Variants in ADGRA2 observed in about 807,000 individuals in gnomAD.
The protein encoded by ADGRA2 is adhesion G protein-coupled receptor A2.
Under a neutral mutation model 98.7 loss-of-function variants are expected in ADGRA2, and 61 were observed. The ratio of observed to expected loss-of-function variants is 0.62; its 90% confidence interval spans 0.50 to 0.76. The LOEUF is 0.76. Ranked by LOEUF, ADGRA2 falls within the 30% of genes least tolerant of loss-of-function variation. The pLI is 0.00. For synonymous variants in ADGRA2, 858 were observed against 831.5 expected (o/e 1.03, Z -0.55); for missense variants, 1,712 against 1,860.0 (o/e 0.92, Z 1.46).
At position 37,829,999 on chromosome 8, in the gene ADGRA2, G is replaced by T; in HGVS notation, c.703G>T (p.Ala235Ser). 1 of 1,575,464 alleles carries T rather than the reference G, an allele frequency of 6.3e-7. No individual in the cohort carries two copies. ...TCAGGCCCTGGGCAGCCTCCAGGAG[G>T]CCCAGCTCTGCTGCGGTGAGCAAGT... The part of the protein sequence containing the change: ...HAQALGSLQE[A>S]QLCCEGALEL... Residue 235 changes from alanine (A) to serine (S), a missense_variant, in exon 6 of 19, where the codon GCC (alanine) becomes TCC (serine). By Grantham distance (99) the Ala-to-Ser change is moderately conservative. Coordinates refer to ENST00000412232, the MANE Select transcript of ADGRA2 (RefSeq NM_032777.10).
At position 37,797,361 on chromosome 8, in the gene ADGRA2, T is replaced by G; in HGVS notation, c.93T>G (p.Ala31=). ...PWLLLLLAPE[A]RGAPGCPLSI... is the part of the protein sequence containing the mutation. ...TCCTGCTGCTCCTGGCGCCCGAGGC[T>G]CGGGGCGCGCCCGGCTGCCCGCTAT... is the stretch of plus-strand genomic sequence containing the variant. Residue 31 remains alanine (A), a synonymous_variant, in exon 1 of 19, where the codon GCT becomes GCG. Transcript: ENST00000412232. The surrounding 1 kb of genome is among the most constrained non-coding windows in gnomAD (Gnocchi z 5.3). 7.1e-6 allele frequency: 10 copies of G among 1,416,176 alleles called. No individual in the cohort carries two copies. The highest frequency in any genetic ancestry group is 9.2e-6 in the Non-Finnish European group (10 of 1,086,744). 87.7% of individuals were successfully genotyped at this position (1,416,176 alleles called of 1,614,324 possible).
chr8:37,826,044 C>T lies in ADGRA2; in HGVS notation c.339-2844C>T, dbSNP rs1008681863. ...GCTGGGGCCTGGACGCCGCCTCGCT[C>T]CCATCTGCAGAGCATCAGTGGGGCA... On this transcript the variant is annotated intron_variant, in intron 2 of 18. Coordinates refer to ENST00000412232, the MANE Select transcript of ADGRA2 (RefSeq NM_032777.10). 5.3e-5 allele frequency among the ~76,000 whole-genome samples: 8 copies of T among 152,252 alleles called. No individual in the cohort carries two copies. In the East Asian group the frequency reaches 1.4e-3, roughly 26 times the overall value.
At chr8:37,836,030 C>A (rs1444653560) in intron 13 of ADGRA2, among the ~76,000 whole-genome samples, 1 of 142,694 alleles carries the variant, frequency 7.0e-6, no homozygotes, top group Admixed American at 7.4e-5. Flanking sequence ...ATGAGCATAG[C>A]CCCCTCCAAC....
rs542554688 is a variant in ADGRA2, at chr8:37,834,526, A to G, written c.1608+398A>G. On this transcript the variant is annotated intron_variant, in intron 11 of 18. Transcript: ENST00000412232. This position sits in a 1 kb window ranked among gnomAD's most constrained non-coding sequence, Gnocchi z 4.2. ...CACAGTACAGCATCGTGTATGTTCA[A>G]GATATTGTGCTAGGCCCTTGGGGCG... 1.2e-4 allele frequency among the ~76,000 whole-genome samples: 19 copies of G among 152,320 alleles called. No individual in the cohort carries two copies. Among genetic ancestry groups the G allele is most frequent in the African/African-American group, 4.3e-4 (18 of 41,572 alleles).
chr8:37,825,065 G>T (rs188492687), intron 2 of ADGRA2, among the ~76,000 whole-genome samples: 1 of 152,122 alleles, frequency 6.6e-6, no homozygotes, highest in East Asian at 1.9e-4. Flanking sequence ...ATACAGGGAG[G>T]GGGTGGCCTG....
chr8:37,802,801 G>C lies in ADGRA2; in HGVS notation c.266+5267G>C, dbSNP rs1188191491. 6.6e-6 allele frequency among the ~76,000 whole-genome samples: 1 copy of C among 152,196 alleles called. No individual in the cohort carries two copies. The highest frequency in any genetic ancestry group is 1.5e-5 in the Non-Finnish European group (1 of 68,028). Reference sequence around the variant, plus strand: ...GGTCCCATCCTAGGGAGAGCCCTGGGCAGAGCTCAGAGCTCTCTGGGGCTC... The same window carrying C: ...GGTCCCATCCTAGGGAGAGCCCTGGCCAGAGCTCAGAGCTCTCTGGGGCTC... On this transcript the variant is annotated intron_variant, in intron 1 of 18. Coordinates refer to ENST00000412232, the MANE Select transcript of ADGRA2 (RefSeq NM_032777.10). The surrounding 1 kb of genome is among the most constrained non-coding windows in gnomAD (Gnocchi z 4.7).
At position 37,838,999 on chromosome 8, in the gene ADGRA2, G is replaced by C; in HGVS notation, c.2303G>C (p.Gly768Ala). ...AGGGAGGTGGGGGGCGCCGGGGCAG[G>C]GCTGCACCCCGTGGTATACCCCTGC... The part of the protein sequence containing the change: ...FPREVGGAGA[G>A]LHPVVYPCTA... The change falls in exon 15 of 19, where the codon GGG (glycine) becomes GCG (alanine). Residue 768 changes from glycine (G) to alanine (A), a missense_variant. Physicochemically the swap from Gly to Ala is moderately conservative, Grantham distance 60. Coordinates refer to ENST00000412232, the MANE Select transcript of ADGRA2 (RefSeq NM_032777.10). 1 of 1,595,138 alleles carries C rather than the reference G, an allele frequency of 6.3e-7. No individual in the cohort carries two copies. Among genetic ancestry groups the C allele is most frequent in the Non-Finnish European group, 8.5e-7 (1 of 1,170,270 alleles).
chr8:37,840,375 C>A, intron 17 of ADGRA2, 109 bp downstream of exon 17: 2 of 1,222,388 alleles, frequency 1.6e-6, no homozygotes, highest in Non-Finnish European at 2.4e-6. Flanking sequence ...GGAGATCACT[C>A]TCCAAAGACG....
chr8:37,831,655 G>A, intron 8 of ADGRA2, 68 bp downstream of exon 8: 4 of 1,438,640 alleles, frequency 2.8e-6, no homozygotes, highest in South Asian at 1.2e-5. Flanking sequence ...TGACATCACA[G>A]GTGGCCAGAG....
intron 1 of ADGRA2, among the ~76,000 whole-genome samples, chr8:37,803,301 G>C (rs555247430): frequency 6.6e-6 from 1 of 152,180 alleles, no homozygotes; most frequent in Non-Finnish European, 1.5e-5. Context: ...GTCCAGAGAG[G>C]GGAGGAGAGT....
rs1804378973 is a variant in ADGRA2, at chr8:37,797,773, C to T, written c.266+239C>T. 6.6e-6 allele frequency among the ~76,000 whole-genome samples: 1 copy of T among 152,202 alleles called. No homozygotes were observed. Among genetic ancestry groups the T allele is most frequent in the South Asian group, 2.1e-4 (1 of 4,828 alleles). On this transcript the variant is annotated intron_variant, in intron 1 of 18. Transcript: ENST00000412232. The surrounding 1 kb of genome is among the most constrained non-coding windows in gnomAD (Gnocchi z 5.3). Reference sequence around the variant, plus strand: ...AGGCGCACCCCAGAGAAAGGCACCGCAGGCGCCCACTCACCTGCACAGGTG... The same window carrying T: ...AGGCGCACCCCAGAGAAAGGCACCGTAGGCGCCCACTCACCTGCACAGGTG...
intron 3 of ADGRA2, 93 bp downstream of exon 3, chr8:37,829,052 C>G: frequency 1.1e-6 from 1 of 912,348 alleles, no homozygotes. Context: ...CCTCTCACCC[C>G]CCCACACCTG....
At chr8:37,833,662 ATCC>A (rs1805522247) in intron 9 of ADGRA2, 23 bp from the exon 10 acceptor site, 1 of 1,611,808 alleles carries the variant, frequency 6.2e-7, no homozygotes, top group Admixed American at 1.7e-5. Context: ...AGGCGAGATG[ATCC>A]TCTCTCTTCC....
At chr8:37,816,640 G>A (rs544481570) in intron 2 of ADGRA2, among the ~76,000 whole-genome samples, 336 of 132,800 alleles carry the variant, frequency 2.5e-3, no homozygotes, top group African/African-American at 9.6e-3. Flanking sequence ...ACACACGGCT[G>A]GGTGCAGTGG....
At position 37,844,871 on chromosome 8, in the gene ADGRA2, C is replaced by T; in HGVS notation, c.*2516C>T. ...GGAGAAGGTCACCGATGTGCTTCAC[C>T]ACAGACCGTTTGTCAAGTCTCAGAA... On this transcript the variant is annotated 3_prime_UTR_variant, in exon 19 of 19. Transcript: ENST00000412232. 1 of 1,614,194 alleles carries T rather than the reference C, an allele frequency of 6.2e-7. No homozygotes were observed. Among genetic ancestry groups the T allele is most frequent in the Non-Finnish European group, 8.5e-7 (1 of 1,180,040 alleles).
intron 1 of ADGRA2, among the ~76,000 whole-genome samples, chr8:37,800,529 A>G (rs147716772): frequency 6.6e-6 from 1 of 152,294 alleles, no homozygotes; most frequent in Non-Finnish European, 1.5e-5. Flanking sequence ...TTTCTCCATC[A>G]GGTAAGGGAA....
rs533057283 is a variant in ADGRA2 at position 37,844,168 on chromosome 8, C to T, written c.*1813C>T. 15 of 303,786 alleles carry T rather than the reference C, an allele frequency of 4.9e-5. No individual in the cohort carries two copies. Among genetic ancestry groups the T allele is most frequent in the Admixed American group, 4.9e-4 (11 of 22,416 alleles). 18.8% of individuals were successfully genotyped at this position (303,786 alleles called of 1,614,324 possible). ...AGCCCCCTCAGGCCTGCAGGAGGAG[C>T]CGCAGCAGTGTGTCCAATTCAAACC... On this transcript the variant is annotated 3_prime_UTR_variant, in exon 19 of 19. Coordinates refer to ENST00000412232, the MANE Select transcript of ADGRA2 (RefSeq NM_032777.10).
chr8:37,822,010 C>T (rs998447765), intron 2 of ADGRA2, among the ~76,000 whole-genome samples: 5 of 152,164 alleles, frequency 3.3e-5, no homozygotes, highest in African/African-American at 9.7e-5. Context: ...TGGACTCCTG[C>T]ACCACTGAGG....
intron 2 of ADGRA2, among the ~76,000 whole-genome samples, chr8:37,824,943 C>T (rs1351100362): frequency 2.6e-5 from 4 of 152,250 alleles, no homozygotes; most frequent in Admixed American, 6.5e-5. Context: ...CACTCTTACA[C>T]ACTCAGCTCC....
Sources: allele counts gnomAD v4.1 joint callset (sites outside exome capture counted in the v4.1 genomes callset), GRCh38; gene constraint gnomAD v4.1.1; non-coding constraint Gnocchi (gnomAD v3.1); transcripts MANE v1.5; gene names NCBI Gene and HGNC (gene_info 2026-07-23, HGNC 2026-07-21).